LRRC57: variants seen among roughly 807,000 people sequenced by gnomAD.
LRRC57 encodes leucine rich repeat containing 57, also known as leucine-rich repeat-containing protein 57.
In LRRC57, 14 loss-of-function variants were observed where a neutral mutation model predicts 23.1. The observed-to-expected ratio is 0.61, with a 90% CI of 0.40 to 0.95. LRRC57 has a LOEUF of 0.95. Among genes scored for constraint, LRRC57 ranks in the 40% least tolerant of loss-of-function variants. LRRC57 has a pLI of 0.00. For missense variants in LRRC57, 236 were observed against 284.4 expected (o/e 0.83, Z 1.22); for synonymous variants, 106 against 115.2 (o/e 0.92, Z 0.51).
downstream of LRRC57, among the ~76,000 whole-genome samples, chr15:42,534,041 A>G (rs1595534959): frequency 6.6e-6 from 1 of 152,216 alleles, no homozygotes; most frequent in East Asian, 1.9e-4. Context: ...CCTGGCCAAC[A>G]TGGTGAAACC....
At chr15:42,544,411 G>A (rs2057646135) in intron 5 of LRRC57, among the ~76,000 whole-genome samples, 2 of 151,954 alleles carry the variant, frequency 1.3e-5, no homozygotes, top group Admixed American at 1.3e-4. Flanking sequence ...GCATGGTAGC[G>A]CCTGTAGTCT....
In LRRC57 at chr15:42,548,416, G is replaced by T; in HGVS notation, c.19C>A (p.Arg7Ser). MGNSAL[R>S]AHVETAQKTG... Reference sequence around the variant, plus strand: ...TTCTGCGCCGTTTCCACATGAGCGCGGAGCGCACTGTTTCCCATCCTAGCG... The same window carrying T: ...TTCTGCGCCGTTTCCACATGAGCGCTGAGCGCACTGTTTCCCATCCTAGCG... Residue 7 changes from arginine to serine, a missense_variant, in exon 2 of 6, where the codon CGC (arginine) becomes AGC (serine). Coordinates refer to ENST00000397130, the MANE Select transcript of LRRC57 (RefSeq NM_153260.3). 1 of 1,614,008 alleles carries T rather than the reference G, an allele frequency of 6.2e-7. No homozygotes were observed. Among genetic ancestry groups the T allele is most frequent in the Non-Finnish European group, 8.5e-7 (1 of 1,180,040 alleles).
Position 42,543,330 on chromosome 15 carries a change from G to C in LRRC57, c.*753C>G, listed in dbSNP as rs2057640714. On this transcript the variant is annotated 3_prime_UTR_variant, in exon 6 of 6. Transcript: ENST00000397130. ...TTCTCCTGCCTCAGCCTCCCAAGTA[G>C]CTGGGATTATAAGCATGCACCAACA... 6.6e-6 allele frequency: 1 copy of C among 152,178 alleles called. No homozygotes were observed. Among genetic ancestry groups the C allele is most frequent in the African/African-American group, 2.4e-5 (1 of 41,382 alleles). 9.4% of individuals were successfully genotyped at this position (152,178 alleles called of 1,614,324 possible). A position where few individuals can be genotyped will look rare whatever the true frequency, so the allele number is the denominator to read the frequency against.
At chr15:42,529,908 G>A in the LRRC57 span, 17 of 1,387,796 alleles carry the variant, frequency 1.2e-5, no homozygotes, top group South Asian at 6.7e-5. Flanking sequence ...TGGGGGACAC[G>A]GTAGAATAAG....
rs545119902 is a variant in LRRC57, at chr15:42,544,005, A to G, written c.*78T>C. 1 of 1,158,442 alleles carries G rather than the reference A, an allele frequency of 8.6e-7. No homozygotes were observed. Among genetic ancestry groups the G allele is most frequent in the Non-Finnish European group, 1.3e-6 (1 of 781,516 alleles). 71.8% of individuals were successfully genotyped at this position (1,158,442 alleles called of 1,614,324 possible). On this transcript the variant is annotated 3_prime_UTR_variant, in exon 6 of 6. Transcript: ENST00000397130. Reference sequence around the variant, plus strand: ...TACTGTAGATACCCCTAACAACAACAGGAGGCTTTGACTCAGCCACATTCC... The same window carrying G: ...TACTGTAGATACCCCTAACAACAACGGGAGGCTTTGACTCAGCCACATTCC...
chr15:42,537,253 A>G (rs1436800707), downstream of LRRC57, among the ~76,000 whole-genome samples: 1 of 151,436 alleles, frequency 6.6e-6, no homozygotes, highest in Non-Finnish European at 1.5e-5. Flanking sequence ...ACACACACAC[A>G]CACACACACA....
Position 42,543,364 on chromosome 15 carries a change from T to C in LRRC57, c.*719A>G, listed in dbSNP as rs756854633. 1 of 152,012 alleles carries C rather than the reference T, an allele frequency of 6.6e-6. No individual in the cohort carries two copies. The highest frequency in any genetic ancestry group is 6.6e-5 in the Admixed American group (1 of 15,248). 9.4% of individuals were successfully genotyped at this position (152,012 alleles called of 1,614,324 possible). A position where few individuals can be genotyped will look rare whatever the true frequency, so the allele number is the denominator to read the frequency against. ...ATAAGCATGCACCAACACACCCAGC[T>C]AATTTTTGTATTTTTAGTAGAGACA... On this transcript the variant is annotated 3_prime_UTR_variant, in exon 6 of 6. Coordinates refer to ENST00000397130, the MANE Select transcript of LRRC57 (RefSeq NM_153260.3).
At chr15:42,547,137 C>T in intron 4 of LRRC57, 124 bp downstream of exon 4, 2 of 1,061,420 alleles carry the variant, frequency 1.9e-6, no homozygotes, top group Non-Finnish European at 1.3e-6. Flanking sequence ...ATAGAAGAAA[C>T]CTCTCATTTA....
chr15:42,536,897 C>T (rs2057603013), downstream of LRRC57, among the ~76,000 whole-genome samples: 1 of 152,150 alleles, frequency 6.6e-6, no homozygotes, highest in African/African-American at 2.4e-5. Flanking sequence ...TGTTTTTTAA[C>T]ACTAAGCTCC....
Position 42,541,749 on chromosome 15 carries a change from T to C in LRRC57, c.*2334A>G, listed in dbSNP as rs925487479. The C allele has an allele frequency of 6.6e-6, 1 of 151,784 alleles. No individual in the cohort carries two copies. Among genetic ancestry groups the C allele is most frequent in the Non-Finnish European group, 1.5e-5 (1 of 68,010 alleles). The allele number at this position is 151,784 out of a possible 1,614,324, so 9.4% of individuals were successfully genotyped here. A position where few individuals can be genotyped will look rare whatever the true frequency, so the allele number is the denominator to read the frequency against. ...GGTAGTCTGAAATCCTCTACCTTTG[T>C]ACCTTCAGATTCTTTTTTTTTTTTT... On this transcript the variant is annotated 3_prime_UTR_variant, in exon 6 of 6. Transcript: ENST00000397130.
At position 42,539,423 on chromosome 15, in the gene LRRC57, A is replaced by ACCCGAGATTGT. The variant is rs2057616386; in HGVS notation, c.*4649_*4659dup. 1 of 134,588 alleles carries ACCCGAGATTGT rather than the reference A, an allele frequency of 7.4e-6. No homozygotes were observed. Among genetic ancestry groups the ACCCGAGATTGT allele is most frequent in the Non-Finnish European group, 1.5e-5 (1 of 64,924 alleles). 8.3% of individuals were successfully genotyped at this position (134,588 alleles called of 1,614,324 possible). ...AACTCAGGAAGTGGAGGTTGCAGTGACCCGAGATTGTGCCACTGCATTCCA... is the reference window on the plus strand; with the variant it reads ...AACTCAGGAAGTGGAGGTTGCAGTGACCCGAGATTGTCCCGAGATTGTGCCACTGCATTCCA... On this transcript the variant is annotated 3_prime_UTR_variant, in exon 6 of 6. Transcript: ENST00000397130.
At chr15:42,530,166 G>T in the LRRC57 span, among the ~76,000 whole-genome samples, 1 of 151,960 alleles carries the variant, frequency 6.6e-6, no homozygotes, top group Non-Finnish European at 1.5e-5. Flanking sequence ...TTGCTCTGTC[G>T]CCTAGGGTAG....
chr15:42,531,466 C>T, the LRRC57 span: 12 of 1,601,662 alleles, frequency 7.5e-6, no homozygotes, highest in Admixed American at 2.0e-4. Flanking sequence ...CAAAGAAACT[C>T]ATTGACAGCT....
chr15:42,544,842 C>CTA (rs143066320), intron 5 of LRRC57, among the ~76,000 whole-genome samples: 1,965 of 97,982 alleles, frequency 0.02, 85 homozygotes, highest in Middle Eastern at 0.047. Flanking sequence ...CACACACACA[C>CTA]TATATATATA....
At chr15:42,548,643 G>C in intron 1 of LRRC57, 50 bp downstream of exon 1, 1 of 630,340 alleles carries the variant, frequency 1.6e-6, no homozygotes, top group Non-Finnish European at 2.7e-6. Flanking sequence ...GCTCTGCGGA[G>C]GCCAGGCGCC....
At chr15:42,528,578 G>GT in the LRRC57 span, among the ~76,000 whole-genome samples, 221 of 151,936 alleles carry the variant, frequency 1.5e-3, 3 homozygotes, top group South Asian at 0.036. Context: ...CAAAATGTGG[G>GT]TTTTTTTTAT....
rs2057622105 is a variant in LRRC57, at chr15:42,540,235, T to C, written c.*3848A>G. The stretch of plus-strand genomic sequence containing the variant: ...AGGGCATTCCCAACTGAGTGAACAA[T>C]ACAGTTGGCCCTAAGTATCCATGGG... On this transcript the variant is annotated 3_prime_UTR_variant, in exon 6 of 6. Transcript: ENST00000397130. The C allele has an allele frequency of 6.8e-6, 1 of 147,108 alleles. No individual in the cohort carries two copies. The highest frequency in any genetic ancestry group is 2.5e-5 in the African/African-American group (1 of 39,700). 9.1% of individuals were successfully genotyped at this position (147,108 alleles called of 1,614,324 possible).
At chr15:42,544,850 A>ATATATATATATATATATATATATATG (rs1410766587) in intron 5 of LRRC57, among the ~76,000 whole-genome samples, 3 of 144,750 alleles carry the variant, frequency 2.1e-5, no homozygotes, top group African/African-American at 8.5e-5. Context: ...CACTATATAT[A>ATATATATATATATATATATATATATG]TATATATATC....
At position 42,540,749 on chromosome 15, in the gene LRRC57, C is replaced by T. The variant is rs2057624700; in HGVS notation, c.*3334G>A. ...AATTGTTAAATGTATAAGTTCTGGC[C>T]AGGCGTGGTGGCTCACGCCTGTAAT... On this transcript the variant is annotated 3_prime_UTR_variant, in exon 6 of 6. Coordinates refer to ENST00000397130, the MANE Select transcript of LRRC57 (RefSeq NM_153260.3). 1 of 152,072 alleles carries T rather than the reference C, an allele frequency of 6.6e-6. No homozygotes were observed. The highest frequency in any genetic ancestry group is 1.5e-5 in the Non-Finnish European group (1 of 67,998). The allele number at this position is 152,072 out of a possible 1,614,324, so 9.4% of individuals were successfully genotyped here. A position where few individuals can be genotyped will look rare whatever the true frequency, so the allele number is the denominator to read the frequency against.
Sources: gnomAD v4.1 joint callset for allele counts (sites outside exome capture counted in the v4.1 genomes callset) on GRCh38, gnomAD v4.1.1 for gene constraint, MANE v1.5 for transcripts, NCBI Gene and HGNC (gene_info 2026-07-23, HGNC 2026-07-21) for gene names.